COL28A1: variants seen among roughly 807,000 people sequenced by gnomAD.
COL28A1 encodes the protein collagen alpha-1(XXVIII) chain.
In COL28A1, 161 loss-of-function variants were observed where a neutral mutation model predicts 150.2. The ratio of observed to expected loss-of-function variants is 1.07; its 90% CI spans 0.94 to 1.22. COL28A1 has a LOEUF of 1.22. COL28A1 is among the 50% of genes most tolerant of loss of function. COL28A1 has a pLI of 0.00. For missense variants in COL28A1, 1,617 were observed against 1,388.3 expected (o/e 1.16, Z -2.62); for synonymous variants, 552 against 469.7 (o/e 1.18, Z -2.26).
chr7:7,485,845 G>A (rs1339316152), intron 13 of COL28A1, among the ~76,000 whole-genome samples: 1 of 152,138 alleles, frequency 6.6e-6, no homozygotes, highest in Non-Finnish European at 1.5e-5. Flanking sequence ...CACAGTCATT[G>A]TTACTGTACC....
At chr7:7,504,272 G>C (rs971995605) in intron 11 of COL28A1, among the ~76,000 whole-genome samples, 19 of 152,116 alleles carry the variant, frequency 1.2e-4, no homozygotes, top group African/African-American at 4.6e-4. Flanking sequence ...CAAGGCAGGA[G>C]GATTCCTTGA....
In COL28A1 at chr7:7,463,004, T is replaced by C. The variant is rs1043397110; in HGVS notation, c.1303-6892A>G. Among the ~76,000 whole-genome samples the C allele has an allele frequency of 4.0e-5, 6 of 151,758 alleles. No individual in the cohort carries two copies. The East Asian group carries it at 9.7e-4, about 24-fold the overall frequency. On this transcript the variant is annotated intron_variant, in intron 15 of 34. Transcript: ENST00000399429. ...CCAAACAAAAAAGAATAAGAAAATA[T>C]GAACAAAGCCTCCAAGAAATCTGGG...
At chr7:7,362,327 T>G (rs943269310) in intron 33 of COL28A1, among the ~76,000 whole-genome samples, 1 of 148,048 alleles carries the variant, frequency 6.8e-6, no homozygotes, top group South Asian at 2.2e-4. Context: ...GACACTTGGT[T>G]ATTTATCCTT....
intron 27 of COL28A1, among the ~76,000 whole-genome samples, chr7:7,403,824 T>G (rs569192588): frequency 5.3e-5 from 8 of 152,308 alleles, no homozygotes; most frequent in Admixed American, 2.6e-4. Context: ...GTGGGTAGAT[T>G]TGCAATTAGA....
At chr7:7,532,999 G>A in intron 1 of COL28A1, 87 bp from the exon 2 acceptor site, 1 of 1,284,898 alleles carries the variant, frequency 7.8e-7, no homozygotes, top group South Asian at 2.4e-5. Flanking sequence ...TTGAAAACTG[G>A]CATGTGACTG....
rs80020059 is a variant in COL28A1 at position 7,425,186 on chromosome 7, A to G, written c.1999-5233T>C. ...ACTTATTCCATTTTACAGATAAGGA[A>G]ACTGAGCTACAGCAGGATACATGAC... On this transcript the variant is annotated intron_variant, in intron 25 of 34. Transcript: ENST00000399429. Among the ~76,000 whole-genome samples the G allele has an allele frequency of 8.2e-3, 1,246 of 152,310 alleles. 10 individuals carry two copies. The highest frequency in any genetic ancestry group is 0.014 in the Middle Eastern group (4 of 294).
At chr7:7,356,807 G>C (rs1780373763), downstream of COL28A1, 1 of 151,894 alleles carries the variant, frequency 6.6e-6, no homozygotes, top group African/African-American at 2.4e-5. Context: ...TAACAAACCT[G>C]TACTTTGTGC....
intron 4 of COL28A1, among the ~76,000 whole-genome samples, chr7:7,523,903 C>T (rs1781881813): frequency 1.3e-5 from 2 of 152,190 alleles, no homozygotes; most frequent in Admixed American, 1.3e-4. Context: ...AATAGAGGAC[C>T]TGATGTGGCT....
chr7:7,523,684 AT>A (rs755192323), intron 4 of COL28A1, among the ~76,000 whole-genome samples: 185 of 152,274 alleles, frequency 1.2e-3, no homozygotes, highest in Admixed American at 3.3e-3. Flanking sequence ...CAGCAAGCTG[AT>A]GATTATCTAT....
At chr7:7,423,383 C>A (rs76039372) in intron 25 of COL28A1, among the ~76,000 whole-genome samples, 2,398 of 152,220 alleles carry the variant, frequency 0.016, 54 homozygotes, top group African/African-American at 0.055. Flanking sequence ...CAATATCCAG[C>A]AAAAGTCTCT....
At chr7:7,407,478 T>C (rs1471691991) in intron 27 of COL28A1, among the ~76,000 whole-genome samples, 3 of 152,044 alleles carry the variant, frequency 2.0e-5, no homozygotes, top group East Asian at 3.8e-4. Flanking sequence ...GTGAAAGGAA[T>C]AGACTGACAG....
Position 7,440,878 on chromosome 7 carries a change from G to T in COL28A1, c.1651-17C>A, listed in dbSNP as rs976983110. On this transcript the variant is annotated splice_polypyrimidine_tract_variant and intron_variant, in intron 20 of 34. Transcript: ENST00000399429. ...TTCGTCACCCTAACAAAATAATTAT[G>T]AAAATATAGATTTTCGTATGGTATT... 1.3e-5 allele frequency: 17 copies of T among 1,325,578 alleles called. No individual in the cohort carries two copies. The highest frequency in any genetic ancestry group is 1.8e-4 in the Middle Eastern group (1 of 5,496). 82.1% of individuals were successfully genotyped at this position (1,325,578 alleles called of 1,614,324 possible).
intron 23 of COL28A1, among the ~76,000 whole-genome samples, chr7:7,433,741 C>G (rs1271782681): frequency 6.6e-6 from 1 of 152,020 alleles, no homozygotes; most frequent in Non-Finnish European, 1.5e-5. Flanking sequence ...TTACACCGAT[C>G]TGTTGTTGAT....
At chr7:7,484,375 G>T (rs1347394244) in intron 13 of COL28A1, among the ~76,000 whole-genome samples, 1 of 151,922 alleles carries the variant, frequency 6.6e-6, no homozygotes, top group Non-Finnish European at 1.5e-5. Flanking sequence ...GGCTGAAAGG[G>T]TTTACTGCTA....
chr7:7,530,124 T>C (rs796373020), intron 3 of COL28A1, among the ~76,000 whole-genome samples: 3 of 152,222 alleles, frequency 2.0e-5, no homozygotes, highest in South Asian at 2.1e-4. Context: ...TCTCTCAATA[T>C]GCCTTTATAG....
intron 1 of COL28A1, among the ~76,000 whole-genome samples, chr7:7,533,180 G>C (rs751441586): frequency 2.6e-5 from 4 of 152,122 alleles, no homozygotes; most frequent in Non-Finnish European, 4.4e-5. Flanking sequence ...ATTTTGAGGA[G>C]CATAGAGTTG....
chr7:7,349,762 G>C, the COL28A1 span, among the ~76,000 whole-genome samples: 1 of 152,156 alleles, frequency 6.6e-6, no homozygotes, highest in East Asian at 1.9e-4. Context: ...TATTTTATCT[G>C]TTTTTGGTTG....
chr7:7,397,975 T>C (rs541555518), intron 27 of COL28A1, among the ~76,000 whole-genome samples: 1 of 152,374 alleles, frequency 6.6e-6, no homozygotes, highest in Admixed American at 6.5e-5. Context: ...AGTGTTCATT[T>C]CATGCAAAAT....
At chr7:7,401,755 C>T (rs1291744322) in intron 27 of COL28A1, among the ~76,000 whole-genome samples, 1 of 152,246 alleles carries the variant, frequency 6.6e-6, no homozygotes, top group South Asian at 2.1e-4. Context: ...TTGTCACATA[C>T]TGCCACAGAA....
Sources: allele counts gnomAD v4.1 joint callset (sites outside exome capture counted in the v4.1 genomes callset), GRCh38; gene constraint gnomAD v4.1.1; transcripts MANE v1.5; gene names NCBI Gene and HGNC (gene_info 2026-07-23, HGNC 2026-07-21).